Variants in ERO1A observed in about 807,000 individuals in gnomAD.
ERO1A encodes the protein ERO1-like protein alpha.
ERO1A carries 49 observed loss-of-function variants against 76.9 expected under a neutral mutation model. The ratio of observed to expected loss-of-function variants is 0.64; its 90% CI spans 0.51 to 0.81. The LOEUF is 0.81. ERO1A is among the 30% of genes least tolerant of loss of function. ERO1A has a pLI of 0.00. For synonymous variants in ERO1A, 174 were observed against 181.2 expected (o/e 0.96, Z 0.32); for missense variants, 448 against 542.1 (o/e 0.83, Z 1.72).
chr14:52,695,512 TG>T lies in ERO1A; in HGVS notation c.-32del. The T allele has an allele frequency of 6.9e-7, 1 of 1,441,414 alleles. No individual in the cohort carries two copies. The allele number at this position is 1,441,414 out of a possible 1,614,324, so 89.3% of individuals were successfully genotyped here. A position where few individuals can be genotyped will look rare whatever the true frequency, so the allele number is the denominator to read the frequency against. Reference sequence around the variant, plus strand: ...CTCCGGCAGCTTGTCGCCCCACGCTTGGGAGGCCAGTCCGCACGCTCGGTCG... The same window carrying T: ...CTCCGGCAGCTTGTCGCCCCACGCTTGGAGGCCAGTCCGCACGCTCGGTCG... On this transcript the variant is annotated 5_prime_UTR_variant, in exon 1 of 16. Transcript: ENST00000395686.
chr14:52,681,766 T>C (rs1027211833), intron 3 of ERO1A, among the ~76,000 whole-genome samples: 3 of 151,910 alleles, frequency 2.0e-5, no homozygotes, highest in Non-Finnish European at 4.4e-5. Context: ...TTTTGTCCAC[T>C]CACACCCCAG....
In ERO1A at chr14:52,695,477, C is replaced by T. The variant is rs755511228; in HGVS notation, c.5G>A (p.Gly2Asp). M[G>D]RGWGFLFGLL... ...GCCAAACAAGAATCCCCAGCCGCGG[C>T]CCATTGCAGCTCCGGCAGCTTGTCG... is the stretch of plus-strand genomic sequence containing the variant. Residue 2 changes from glycine (G) to aspartate (D), a missense_variant, in exon 1 of 16, where the codon GGC becomes GAC. Coordinates refer to ENST00000395686, the MANE Select transcript of ERO1A (RefSeq NM_014584.3). 16 of 1,514,814 alleles carry T rather than the reference C, an allele frequency of 1.1e-5. No homozygotes were observed. In the Admixed American group the frequency reaches 3.3e-4, roughly 31 times the overall value. 93.8% of individuals were successfully genotyped at this position (1,514,814 alleles called of 1,614,324 possible).
intron 4 of ERO1A, among the ~76,000 whole-genome samples, chr14:52,677,475 G>C (rs929267231): frequency 6.6e-6 from 1 of 152,148 alleles, no homozygotes; most frequent in African/African-American, 2.4e-5. Flanking sequence ...CTGGGAAACT[G>C]TTACGGCTAA....
At chr14:52,694,045 G>C (rs1229555982) in intron 1 of ERO1A, among the ~76,000 whole-genome samples, 1 of 152,142 alleles carries the variant, frequency 6.6e-6, no homozygotes, top group Non-Finnish European at 1.5e-5. Context: ...AAGTTGAAGA[G>C]TTCAACATGT....
At chr14:52,653,395 T>TA in intron 11 of ERO1A, 80 bp from the exon 12 acceptor site, 1 of 1,100,272 alleles carries the variant, frequency 9.1e-7, no homozygotes, top group Non-Finnish European at 1.3e-6. Flanking sequence ...TTCATGCCTA[T>TA]AGAAGTTAAT....
At chr14:52,683,625 G>T (rs897608251) in intron 2 of ERO1A, among the ~76,000 whole-genome samples, 163 bp downstream of exon 2, 2 of 152,026 alleles carry the variant, frequency 1.3e-5, no homozygotes, top group Non-Finnish European at 2.9e-5. Flanking sequence ...TTATCCAATG[G>T]ATGGTTTCAG....
chr14:52,670,629 G>A (rs544727822), intron 6 of ERO1A, among the ~76,000 whole-genome samples: 3 of 152,142 alleles, frequency 2.0e-5, no homozygotes, highest in Admixed American at 6.6e-5. Flanking sequence ...CTCGACTAAC[G>A]GTTCAATATT....
In ERO1A at chr14:52,689,860, C is replaced by A. The variant is rs573926372; in HGVS notation, c.114+5508G>T. Among the ~76,000 whole-genome samples, 5 of 152,248 alleles carry A rather than the reference C, an allele frequency of 3.3e-5. No homozygotes were observed. In the East Asian group the frequency reaches 9.6e-4, roughly 29 times the overall value. On this transcript the variant is annotated intron_variant, in intron 1 of 15. Transcript: ENST00000395686. ...TTGCAAGAACAAACCTGGAAGCAGCCTACTTTGTAATTTCAAATTATATTA... is the reference window on the plus strand; with the variant it reads ...TTGCAAGAACAAACCTGGAAGCAGCATACTTTGTAATTTCAAATTATATTA...
At chr14:52,659,177 T>G (rs1256714266) in intron 9 of ERO1A, among the ~76,000 whole-genome samples, 2 of 152,012 alleles carry the variant, frequency 1.3e-5, no homozygotes. Context: ...TAAATAAAAA[T>G]GCTAAAGTGC....
chr14:52,655,399 C>T (rs2040011844), intron 11 of ERO1A, among the ~76,000 whole-genome samples: 1 of 152,062 alleles, frequency 6.6e-6, no homozygotes, highest in Non-Finnish European at 1.5e-5. Context: ...AGTGTGACAT[C>T]TATCTAATTT....
chr14:52,680,426 G>A (rs1268587944), intron 3 of ERO1A, among the ~76,000 whole-genome samples: 2 of 150,766 alleles, frequency 1.3e-5, no homozygotes, highest in Non-Finnish European at 1.5e-5. Context: ...TCCAAATGGT[G>A]TCCCCTAGTT....
At position 52,653,186 on chromosome 14, in the gene ERO1A, C is replaced by A; in HGVS notation, c.938G>T (p.Arg313Met). Reference sequence around the variant, plus strand: ...GAATGGTAACACTTTGGATAAAGCCCTTAGTTCTATTAAGTAGAGAAAATA... The same window carrying A: ...GAATGGTAACACTTTGGATAAAGCCATTAGTTCTATTAAGTAGAGAAAATA... ...NLYFLYLIEL[R>M]ALSKVLPFFE... Residue 313 changes from arginine (R) to methionine (M), a missense_variant, in exon 12 of 16, where the codon AGG (arginine) becomes ATG (methionine). Physicochemically the swap from Arg to Met is moderately conservative, Grantham distance 91 (BLOSUM62 -1). Coordinates refer to ENST00000395686, the MANE Select transcript of ERO1A (RefSeq NM_014584.3). 1 of 1,613,620 alleles carries A rather than the reference C, an allele frequency of 6.2e-7. No individual in the cohort carries two copies. Among genetic ancestry groups the A allele is most frequent in the South Asian group, 1.1e-5 (1 of 91,042 alleles).
chr14:52,679,082 C>A (rs1594832546), intron 3 of ERO1A, among the ~76,000 whole-genome samples: 1 of 152,090 alleles, frequency 6.6e-6, no homozygotes, highest in African/African-American at 2.4e-5. Context: ...TCCCTTTTTG[C>A]CTTCTGCCAT....
chr14:52,643,688 G>T (rs1312481517), intron 15 of ERO1A, 58 bp from the exon 16 acceptor site: 10 of 894,668 alleles, frequency 1.1e-5, no homozygotes, highest in Non-Finnish European at 1.3e-5. Flanking sequence ...ATCTGTAAAA[G>T]TTATTCACTT....
At chr14:52,648,567 A>G (rs2039749624) in intron 13 of ERO1A, among the ~76,000 whole-genome samples, 1 of 152,194 alleles carries the variant, frequency 6.6e-6, no homozygotes, top group Non-Finnish European at 1.5e-5. Context: ...TTACTTTTAA[A>G]GTGTTACTAA....
rs183168919 is a variant in ERO1A at position 52,675,779 on chromosome 14, C to T, written c.357+2655G>A. Among the ~76,000 whole-genome samples the T allele has an allele frequency of 1.3e-3, 192 of 152,264 alleles. 1 individual carries two copies. The highest frequency in any genetic ancestry group is 4.5e-3 in the African/African-American group (188 of 41,540). On this transcript the variant is annotated intron_variant, in intron 4 of 15. Coordinates refer to ENST00000395686, the MANE Select transcript of ERO1A (RefSeq NM_014584.3). ...CCACTTGGGCAGCTGGGACTACAGG[C>T]ACACATCCTCATGGCTGGCTAATTT...
rs543831957 is a variant in ERO1A at position 52,662,462 on chromosome 14, A to T, written c.677-1158T>A. 3.3e-5 allele frequency among the ~76,000 whole-genome samples: 5 copies of T among 152,352 alleles called. No homozygotes were observed. In the East Asian group the frequency reaches 9.6e-4, roughly 29 times the overall value. On this transcript the variant is annotated intron_variant, in intron 8 of 15. Transcript: ENST00000395686. ...AAATTTATATTTATTATTTGAGATC[A>T]GCATCTTTTCAAATAAATTTTTAAA...
At chr14:52,670,673 G>C (rs530085345) in intron 6 of ERO1A, among the ~76,000 whole-genome samples, 1 of 152,116 alleles carries the variant, frequency 6.6e-6, no homozygotes, top group African/African-American at 2.4e-5. Context: ...CCATCATTAA[G>C]GAATATACAT....
Position 52,640,990 on chromosome 14 carries a change from A to AG in ERO1A, c.*2579dup, listed in dbSNP as rs1369985308. ...TGAGAAGTGGTGTTGTGATTAAGAG[A>AG]GAAAAAAAAAATGGAGGTCTGAGGA... On this transcript the variant is annotated 3_prime_UTR_variant, in exon 16 of 16. Coordinates refer to ENST00000395686, the MANE Select transcript of ERO1A (RefSeq NM_014584.3). 1.3e-5 allele frequency: 2 copies of AG among 151,916 alleles called. No individual in the cohort carries two copies. Among genetic ancestry groups the AG allele is most frequent in the South Asian group, 2.1e-4 (1 of 4,816 alleles). 9.4% of individuals were successfully genotyped at this position (151,916 alleles called of 1,614,324 possible).
Sources: gnomAD v4.1 joint callset for allele counts (sites outside exome capture counted in the v4.1 genomes callset) on GRCh38, gnomAD v4.1.1 for gene constraint, MANE v1.5 for transcripts, NCBI Gene and HGNC (gene_info 2026-07-23, HGNC 2026-07-21) for gene names.